The following FMN1 variants were observed in gnomAD, a reference collection of about 807,000 sequenced individuals.
The protein encoded by FMN1 is formin-1.
A neutral mutation model predicts 132.4 loss-of-function variants in FMN1; 110 were observed. The observed-to-expected ratio is 0.83, with a 90% CI of 0.71 to 0.97. The LOEUF (loss-of-function observed/expected upper bound fraction) is 0.97, where lower values mean the gene tolerates loss of function less well. Among genes scored for constraint, FMN1 ranks in the 50% least tolerant of loss-of-function variants. The probability of loss-of-function intolerance (pLI) is 0.00; values close to 1 mark genes in which losing one functional copy is unlikely to be tolerated. For synonymous variants in FMN1, 722 were observed against 651.7 expected (o/e 1.11, Z -1.64); for missense variants, 1,792 against 1,705.3 (o/e 1.05, Z -0.90).
chr15:32,845,612 C>G (rs1029533183), intron 17 of FMN1, among the ~76,000 whole-genome samples: 2 of 152,058 alleles, frequency 1.3e-5, no homozygotes, highest in African/African-American at 4.8e-5. Context: ...TTACCAAGAC[C>G]CTCAGACTCA....
intron 17 of FMN1, among the ~76,000 whole-genome samples, chr15:32,843,300 A>G (rs1252344590): frequency 6.6e-6 from 1 of 152,156 alleles, no homozygotes; most frequent in African/African-American, 2.4e-5. Context: ...ACCCAGGACT[A>G]TGGAGCTCCA....
intron 19 of FMN1, among the ~76,000 whole-genome samples, chr15:32,781,860 A>C (rs1201302241): frequency 6.6e-6 from 1 of 152,212 alleles, no homozygotes; most frequent in Non-Finnish European, 1.5e-5. Context: ...TTACTGATCA[A>C]GCATCTTTTC....
chr15:33,026,043 G>A (rs896224134), intron 6 of FMN1, among the ~76,000 whole-genome samples: 13 of 152,082 alleles, frequency 8.5e-5, no homozygotes, highest in Non-Finnish European at 1.6e-4. Flanking sequence ...AACTTACACT[G>A]TGACAGCATC....
rs1335970402 is a variant in FMN1, at chr15:32,773,199, T to C, written c.*1111A>G. On this transcript the variant is annotated 3_prime_UTR_variant, in exon 21 of 21. Transcript: ENST00000616417. ...ATTCCACTTGGAAGTTTTCTATTAATGTAATTACTTTCATTTTGATGTAAG... is the reference window on the plus strand; with the variant it reads ...ATTCCACTTGGAAGTTTTCTATTAACGTAATTACTTTCATTTTGATGTAAG... The C allele has an allele frequency of 3.3e-5, 5 of 152,240 alleles. No individual in the cohort carries two copies. The East Asian group carries it at 9.6e-4, about 29-fold the overall frequency. 9.4% of individuals were successfully genotyped at this position (152,240 alleles called of 1,614,324 possible). A position where few individuals can be genotyped will look rare whatever the true frequency, so the allele number is the denominator to read the frequency against.
intron 15 of FMN1, among the ~76,000 whole-genome samples, chr15:32,896,434 A>C (rs1426445315): frequency 6.6e-6 from 1 of 152,044 alleles, no homozygotes; most frequent in Non-Finnish European, 1.5e-5. Flanking sequence ...AAAACAAACA[A>C]AAAAAACCCC....
chr15:32,956,191 G>A (rs1450116323), intron 9 of FMN1, among the ~76,000 whole-genome samples: 1 of 152,088 alleles, frequency 6.6e-6, no homozygotes, highest in Non-Finnish European at 1.5e-5. Context: ...CTCTTGTGGT[G>A]TGGGGTAGGA....
intron 17 of FMN1, among the ~76,000 whole-genome samples, chr15:32,845,952 A>T (rs1258785): frequency 0.24 from 34,945 of 147,676 alleles, 4,338 homozygotes; most frequent in East Asian, 0.44. Context: ...TTCCCATTTT[A>T]CAGACAAGAA....
At chr15:33,166,063 GT>G (rs1436550998) in intron 3 of FMN1, among the ~76,000 whole-genome samples, 1 of 152,180 alleles carries the variant, frequency 6.6e-6, no homozygotes, top group African/African-American at 2.4e-5. Flanking sequence ...TATGACATCT[GT>G]TTAAAACGTC....
intron 6 of FMN1, among the ~76,000 whole-genome samples, chr15:33,037,323 ATACTC>A (rs1313333022): frequency 6.6e-6 from 1 of 152,108 alleles, no homozygotes; most frequent in Non-Finnish European, 1.5e-5. Context: ...ATTCCTTCAA[ATACTC>A]TACAGCTGAT....
chr15:33,025,581 A>G (rs1029233987), intron 6 of FMN1, among the ~76,000 whole-genome samples: 11 of 152,192 alleles, frequency 7.2e-5, no homozygotes, highest in African/African-American at 2.4e-4. Flanking sequence ...AAATTAACAA[A>G]TCTATTTCAG....
At chr15:33,190,874 TA>T (rs1241556739) in intron 2 of FMN1, among the ~76,000 whole-genome samples, 1 of 152,106 alleles carries the variant, frequency 6.6e-6, no homozygotes, top group Non-Finnish European at 1.5e-5. Flanking sequence ...ACATGAACGT[TA>T]AAAAGTCCTG....
intron 6 of FMN1, among the ~76,000 whole-genome samples, chr15:33,049,078 G>C (rs1280735404): frequency 6.6e-6 from 1 of 152,202 alleles, no homozygotes; most frequent in Non-Finnish European, 1.5e-5. Flanking sequence ...TGGAAGGTTT[G>C]TGAAAAATTA....
intron 19 of FMN1, among the ~76,000 whole-genome samples, chr15:32,791,442 A>T (rs12916120): frequency 0.1 from 15,274 of 151,894 alleles, 1,008 homozygotes; most frequent in Non-Finnish European, 0.14. Context: ...ATGGCTAATT[A>T]TCTTTCCTTT....
At chr15:33,043,896 C>T (rs2036558045) in intron 6 of FMN1, among the ~76,000 whole-genome samples, 1 of 152,206 alleles carries the variant, frequency 6.6e-6, no homozygotes, top group Non-Finnish European at 1.5e-5. Flanking sequence ...CTCCTGGGTG[C>T]AGCTGCAGCT....
intron 17 of FMN1, among the ~76,000 whole-genome samples, chr15:32,808,586 G>GA (rs930329881): frequency 6.6e-6 from 1 of 152,228 alleles, no homozygotes; most frequent in African/African-American, 2.4e-5. Context: ...GTGATCGTCA[G>GA]AAAATCACTT....
At chr15:32,826,932 G>A (rs2058381054) in intron 17 of FMN1, among the ~76,000 whole-genome samples, 1 of 151,986 alleles carries the variant, frequency 6.6e-6, no homozygotes, top group African/African-American at 2.4e-5. Flanking sequence ...ACTGATGTTT[G>A]CCTACAACTG....
chr15:33,191,895 G>A (rs1055219368), intron 2 of FMN1, among the ~76,000 whole-genome samples: 2 of 152,168 alleles, frequency 1.3e-5, no homozygotes, highest in African/African-American at 2.4e-5. Context: ...ATTAACAGCT[G>A]TAATTCTGTC....
chr15:33,024,954 A>G (rs564735967), intron 6 of FMN1, among the ~76,000 whole-genome samples: 1 of 152,322 alleles, frequency 6.6e-6, no homozygotes, highest in Admixed American at 6.5e-5. Context: ...TTTGAGAGAA[A>G]AAGCTGCCAA....
chr15:32,801,628 C>A (rs1478843214), intron 18 of FMN1, among the ~76,000 whole-genome samples: 1 of 136,302 alleles, frequency 7.3e-6, no homozygotes, highest in Non-Finnish European at 1.5e-5. Context: ...AAAACAAAAA[C>A]AAACAAACAA....
Sources: allele counts gnomAD v4.1 joint callset (sites outside exome capture counted in the v4.1 genomes callset), GRCh38; gene constraint gnomAD v4.1.1; transcripts MANE v1.5; gene names NCBI Gene and HGNC (gene_info 2026-07-23, HGNC 2026-07-21).